MAP2K3: variants seen among roughly 807,000 people sequenced by gnomAD.
MAP2K3 encodes mitogen-activated protein kinase kinase 3.
MAP2K3 carries 30 observed loss-of-function variants against 46.4 expected under a neutral mutation model. The observed-to-expected ratio is 0.65, with a 90% CI of 0.48 to 0.88. The LOEUF (loss-of-function observed/expected upper bound fraction) is 0.88, where lower values mean the gene tolerates loss of function less well. Among genes scored for constraint, MAP2K3 ranks in the 40% least tolerant of loss-of-function variants. MAP2K3 has a pLI of 0.00. For synonymous variants in MAP2K3, 189 were observed against 176.3 expected (o/e 1.07, Z -0.57); for missense variants, 380 against 464.5 (o/e 0.82, Z 1.67).
At chr17:21,285,356 C>T in intron 1 of MAP2K3, 2 of 870,666 alleles carry the variant, frequency 2.3e-6, no homozygotes, top group Non-Finnish European at 2.8e-6. Flanking sequence ...TCACCTGGGT[C>T]CTTGGGCAGC....
intron 1 of MAP2K3, among the ~76,000 whole-genome samples, chr17:21,286,267 C>T (rs1045349831): frequency 1.3e-5 from 2 of 152,238 alleles, no homozygotes; most frequent in African/African-American, 4.8e-5. Context: ...GAAAGGCCTC[C>T]ACTGCTGGAA....
At chr17:21,292,098 G>C (rs1235635683) in intron 1 of MAP2K3, among the ~76,000 whole-genome samples, 1 of 152,308 alleles carries the variant, frequency 6.6e-6, no homozygotes, top group South Asian at 2.1e-4. Context: ...GCGTGTCCTG[G>C]GGCCCCTGGT....
At chr17:21,299,183 G>A (rs1976447367) in intron 3 of MAP2K3, among the ~76,000 whole-genome samples, 1 of 152,306 alleles carries the variant, frequency 6.6e-6, no homozygotes, top group African/African-American at 2.4e-5. Context: ...TTTCTGAGCT[G>A]AGAGCAAGGC....
chr17:21,290,181 G>A (rs756862072), intron 1 of MAP2K3, among the ~76,000 whole-genome samples: 1 of 152,134 alleles, frequency 6.6e-6, no homozygotes. Flanking sequence ...GGATGCCAGC[G>A]GTGTGTTCAG....
chr17:21,313,435 T>C lies in MAP2K3; in HGVS notation c.915-57T>C. On this transcript the variant is annotated intron_variant, in intron 10 of 11. Coordinates refer to ENST00000342679, the MANE Select transcript of MAP2K3 (RefSeq NM_145109.3). ...AATCCTGGGGTGGTTTGGCTGGCCC[T>C]TGGGGGCTGGGCTTCCTCCCTGCCA... is the stretch of plus-strand genomic sequence containing the variant. 2.6e-6 allele frequency: 4 copies of C among 1,536,268 alleles called. No homozygotes were observed. In the South Asian group the frequency reaches 3.4e-5, roughly 13 times the overall value.
intron 2 of MAP2K3, 146 bp from the exon 3 acceptor site, chr17:21,298,732 C>T (rs1976411947): frequency 4.0e-6 from 5 of 1,242,940 alleles, no homozygotes; most frequent in Non-Finnish European, 5.8e-6. Flanking sequence ...TGCTCAGCAG[C>T]CAGTGAGAGG....
At chr17:21,297,439 G>T (rs1976320286) in intron 1 of MAP2K3, among the ~76,000 whole-genome samples, 1 of 152,312 alleles carries the variant, frequency 6.6e-6, no homozygotes, top group Admixed American at 6.5e-5. Context: ...CAGGCATGTG[G>T]CCAGCATGTC....
chr17:21,306,957 T>C (rs1339107268), intron 9 of MAP2K3, among the ~76,000 whole-genome samples: 2 of 152,292 alleles, frequency 1.3e-5, no homozygotes, highest in African/African-American at 4.8e-5. Flanking sequence ...AGCTACTTTT[T>C]TAATGTTTTG....
At chr17:21,289,086 C>T (rs1567656444) in intron 1 of MAP2K3, among the ~76,000 whole-genome samples, 1 of 152,244 alleles carries the variant, frequency 6.6e-6, no homozygotes, top group Non-Finnish European at 1.5e-5. Flanking sequence ...AGCAGGGCTT[C>T]GTGACAATGT....
intron 2 of MAP2K3, 123 bp downstream of exon 2, chr17:21,298,602 C>G: frequency 4.7e-6 from 7 of 1,497,490 alleles, no homozygotes; most frequent in Non-Finnish European, 6.5e-6. Context: ...TGGGCAGCCC[C>G]TGCTGTGCAT....
chr17:21,303,914 C>T (rs977754478), intron 7 of MAP2K3, among the ~76,000 whole-genome samples: 188 of 152,306 alleles, frequency 1.2e-3, no homozygotes, highest in African/African-American at 4.4e-3. Flanking sequence ...TCCATCTTTA[C>T]ACACATCCCC....
In MAP2K3 at chr17:21,314,405, A is replaced by G; in HGVS notation, c.*175A>G. 1 of 631,324 alleles carries G rather than the reference A, an allele frequency of 1.6e-6. No homozygotes were observed. The allele number at this position is 631,324 out of a possible 1,614,324, so 39.1% of individuals were successfully genotyped here. On this transcript the variant is annotated 3_prime_UTR_variant, in exon 12 of 12. Transcript: ENST00000342679. ...AGCCATTTGTCCCAAGTGCCAAAGA[A>G]GCAGACCATTGGGGCTCCCAGCCAG...
At chr17:21,298,769 G>T (rs1170426547) in intron 2 of MAP2K3, 109 bp from the exon 3 acceptor site, 1 of 1,531,386 alleles carries the variant, frequency 6.5e-7, no homozygotes, top group Non-Finnish European at 9.0e-7. Flanking sequence ...CGCCTCCGGG[G>T]CAGGAGGCAC....
intron 1 of MAP2K3, among the ~76,000 whole-genome samples, chr17:21,294,240 TC>T (rs1976112073): frequency 1.0e-5 from 1 of 96,540 alleles, no homozygotes; most frequent in African/African-American, 3.8e-5. Context: ...CCCTTGTGGC[TC>T]CTTCCCTGGC....
In MAP2K3 at chr17:21,314,187, A is replaced by G; in HGVS notation, c.1001A>G (p.Asp334Gly). Residue 334 changes from aspartate to glycine, a missense_variant, in exon 12 of 12, where the codon GAC becomes GGC. By Grantham distance (94) the Asp-to-Gly change is moderately conservative (BLOSUM62 -1). Transcript: ENST00000342679. ...ACCTTGCACAAAACCAAGAAGACGG[A>G]CATTGCTGCCTTCGTGAAGGAGATC... Reference protein sequence around the residue: ...FFTLHKTKKTDIAAFVKEILG... With the variant: ...FFTLHKTKKTGIAAFVKEILG... 6.2e-7 allele frequency: 1 copy of G among 1,614,080 alleles called. No individual in the cohort carries two copies. The highest frequency in any genetic ancestry group is 8.5e-7 in the Non-Finnish European group (1 of 1,179,962).
chr17:21,303,915 ACACATCCC>A (rs1976743392), intron 7 of MAP2K3, among the ~76,000 whole-genome samples: 1 of 152,306 alleles, frequency 6.6e-6, no homozygotes, highest in East Asian at 1.9e-4. Context: ...CCATCTTTAC[ACACATCCC>A]CATGGAGGGC....
intron 2 of MAP2K3, among the ~76,000 whole-genome samples, 193 bp from the exon 3 acceptor site, chr17:21,298,685 T>G (rs1413274627): frequency 6.6e-6 from 1 of 152,310 alleles, no homozygotes; most frequent in African/African-American, 2.4e-5. Context: ...CACCCTGTCT[T>G]GGAGGCTCGA....
chr17:21,300,941 G>T lies in MAP2K3; in HGVS notation c.347G>T (p.Arg116Leu), dbSNP rs374662792. Reference protein sequence around the residue: ...RLLMDLDINMRTVDCFYTVTF... With the variant: ...RLLMDLDINMLTVDCFYTVTF... The stretch of plus-strand genomic sequence containing the variant: ...CTCATGGACCTGGACATCAACATGC[G>T]CACGGTCGACTGTTTCTACACTGTC... The change falls in exon 5 of 12, where the codon CGC (arginine) becomes CTC (leucine). Residue 116 changes from arginine to leucine, a missense_variant. This residue lies in a region of MAP2K3 where 294 missense variants were observed against 275.4 expected (regional missense o/e 1.07). Transcript: ENST00000342679. 1.9e-6 allele frequency: 3 copies of T among 1,614,142 alleles called. No individual in the cohort carries two copies. The African/African-American group carries it at 4.0e-5, about 22-fold the overall frequency.
At chr17:21,303,932 G>T (rs1380555205) in intron 7 of MAP2K3, among the ~76,000 whole-genome samples, 1 of 152,312 alleles carries the variant, frequency 6.6e-6, no homozygotes, top group African/African-American at 2.4e-5. Context: ...CCCATGGAGG[G>T]CACGGGGATG....
Sources: gnomAD v4.1 joint callset for allele counts (sites outside exome capture counted in the v4.1 genomes callset) on GRCh38, gnomAD v4.1.1 for gene constraint, gnomAD v4.1.1 regional missense constraint, MANE v1.5 for transcripts, NCBI Gene and HGNC (gene_info 2026-07-23, HGNC 2026-07-21) for gene names.